The following FHOD3 variants were observed in gnomAD, a reference collection of about 807,000 sequenced individuals.
FHOD3 encodes the protein formin homology 2 domain containing 3, also known as FH1/FH2 domain-containing protein 3.
Under a neutral mutation model 173.0 loss-of-function variants are expected in FHOD3, and 90 were observed. The observed-to-expected ratio is 0.52, with a 90% CI of 0.44 to 0.62. FHOD3 has a LOEUF of 0.62. Among genes scored for constraint, FHOD3 ranks in the 20% least tolerant of loss-of-function variants. FHOD3 has a pLI of 0.00. For missense variants in FHOD3, 1,945 were observed against 2,034.7 expected (o/e 0.96, Z 0.85); for synonymous variants, 828 against 823.0 (o/e 1.01, Z -0.10).
chr18:36,357,568 C>T (rs562117306), intron 2 of FHOD3, among the ~76,000 whole-genome samples: 77 of 152,310 alleles, frequency 5.1e-4, no homozygotes, highest in African/African-American at 1.7e-3. Flanking sequence ...CCACTCTAGG[C>T]TGTGCATATG....
rs1040510541 is a variant in FHOD3, at chr18:36,364,580, G to T, written c.273-8100G>T. On this transcript the variant is annotated intron_variant, in intron 2 of 28. Coordinates refer to ENST00000590592, the MANE Select transcript of FHOD3 (RefSeq NM_001281740.3). The stretch of plus-strand genomic sequence containing the variant: ...TGAAGAGCAGTATTGGTGCTGGCTG[G>T]GTGTGCTGCTTTTAAAGAGCTTTCC... Among the ~76,000 whole-genome samples, 80 of 152,134 alleles carry T rather than the reference G, an allele frequency of 5.3e-4. 3 individuals are homozygous for T. The highest frequency in any genetic ancestry group is 1.5e-5 in the Non-Finnish European group (1 of 68,028).
chr18:36,517,907 T>A (rs2056078075), intron 5 of FHOD3, among the ~76,000 whole-genome samples: 2 of 152,192 alleles, frequency 1.3e-5, no homozygotes, highest in African/African-American at 4.8e-5. Flanking sequence ...GCCATTCATA[T>A]TAGGGGATCC....
At chr18:36,634,127 A>G (rs546329971) in intron 10 of FHOD3, among the ~76,000 whole-genome samples, 17 of 152,286 alleles carry the variant, frequency 1.1e-4, no homozygotes, top group African/African-American at 4.1e-4. Flanking sequence ...CTCATAACTG[A>G]TGCATACCAA....
At chr18:36,301,561 G>C (rs2091957317) in intron 1 of FHOD3, among the ~76,000 whole-genome samples, 1 of 152,132 alleles carries the variant, frequency 6.6e-6, no homozygotes, top group Non-Finnish European at 1.5e-5. Flanking sequence ...TATGTTCTAG[G>C]TTGGGCTAAG....
intron 17 of FHOD3, among the ~76,000 whole-genome samples, chr18:36,701,549 C>A (rs1221230638): frequency 6.6e-6 from 1 of 152,122 alleles, no homozygotes. Context: ...TTAATCCTGT[C>A]TAACATTCAT....
chr18:36,741,278 G>T (rs2041889378), intron 21 of FHOD3, among the ~76,000 whole-genome samples: 1 of 152,202 alleles, frequency 6.6e-6, no homozygotes, highest in Non-Finnish European at 1.5e-5. Flanking sequence ...GGAACAGAAG[G>T]AAATGGGCCT....
chr18:36,315,360 C>T (rs2144784165), intron 1 of FHOD3, among the ~76,000 whole-genome samples: 1 of 152,270 alleles, frequency 6.6e-6, no homozygotes, highest in African/African-American at 2.4e-5. Flanking sequence ...CAGCCTGCCT[C>T]CTTGGCCACC....
intron 3 of FHOD3, among the ~76,000 whole-genome samples, chr18:36,485,253 A>G (rs1312140332): frequency 1.3e-5 from 2 of 152,170 alleles, no homozygotes; most frequent in African/African-American, 4.8e-5. Flanking sequence ...GCCTGCTGGG[A>G]TCCATGGTGA....
chr18:36,485,619 T>G (rs1019823969), intron 3 of FHOD3, among the ~76,000 whole-genome samples: 2 of 152,208 alleles, frequency 1.3e-5, no homozygotes, highest in Non-Finnish European at 2.9e-5. Context: ...GTGTTCTTCC[T>G]TTTAGTGACA....
At chr18:36,509,426 C>CAAAAAAAAAAAAAA (rs34772691) in intron 4 of FHOD3, among the ~76,000 whole-genome samples, 1 of 54,852 alleles carries the variant, frequency 1.8e-5, no homozygotes, top group Non-Finnish European at 3.7e-5. Context: ...GACTCCATCT[C>CAAAAAAAAAAAAAA]AAAAAAAAAA....
intron 13 of FHOD3, 26 bp downstream of exon 13, chr18:36,653,442 T>A: frequency 7.0e-7 from 1 of 1,420,458 alleles, no homozygotes; most frequent in Non-Finnish European, 9.5e-7. Context: ...TTCTTTCCCT[T>A]TTCTGTAGCT....
chr18:36,718,993 C>T (rs1320117119), intron 19 of FHOD3, among the ~76,000 whole-genome samples: 1 of 152,160 alleles, frequency 6.6e-6, no homozygotes, highest in East Asian at 1.9e-4. Context: ...CAAAAATGGT[C>T]AACTAAGGAA....
intron 16 of FHOD3, among the ~76,000 whole-genome samples, chr18:36,692,159 G>C (rs185580698): frequency 2.0e-3 from 309 of 152,294 alleles, no homozygotes; most frequent in African/African-American, 7.2e-3. Context: ...CCCACCTTGA[G>C]GATGGGATGC....
chr18:36,366,561 A>G (rs1215497321), intron 2 of FHOD3, among the ~76,000 whole-genome samples: 3 of 152,202 alleles, frequency 2.0e-5, no homozygotes, highest in African/African-American at 7.2e-5. Context: ...GTCCAAGATC[A>G]CACAGCTGGC....
At chr18:36,752,024 A>G (rs1005983493) in intron 24 of FHOD3, among the ~76,000 whole-genome samples, 2 of 152,206 alleles carry the variant, frequency 1.3e-5, no homozygotes, top group Non-Finnish European at 2.9e-5. Flanking sequence ...ACTTACAATC[A>G]CAGTGGAAGG....
At chr18:36,734,344 C>T (rs1034316073) in intron 20 of FHOD3, among the ~76,000 whole-genome samples, 12 of 152,168 alleles carry the variant, frequency 7.9e-5, no homozygotes, top group Non-Finnish European at 8.8e-5. Flanking sequence ...TTAGCACATC[C>T]CTGGCCTCTA....
chr18:36,622,828 C>T lies in FHOD3; in HGVS notation c.958-2683C>T, dbSNP rs79569214. Reference sequence around the variant, plus strand: ...AGCCGAAAGCATTTGGAAATGCCACCGTAGCCTAGCATGTGCAAACAAAGC... The same window carrying T: ...AGCCGAAAGCATTTGGAAATGCCACTGTAGCCTAGCATGTGCAAACAAAGC... On this transcript the variant is annotated intron_variant, in intron 9 of 28. Coordinates refer to ENST00000590592, the MANE Select transcript of FHOD3 (RefSeq NM_001281740.3). Among the ~76,000 whole-genome samples, 1,481 of 152,310 alleles carry T rather than the reference C, an allele frequency of 9.7e-3. 51 individuals carry two copies. In the East Asian group the frequency reaches 0.13, roughly 13 times the overall value.
At chr18:36,308,545 C>T (rs1213441701) in intron 1 of FHOD3, among the ~76,000 whole-genome samples, 1 of 152,160 alleles carries the variant, frequency 6.6e-6, no homozygotes, top group African/African-American at 2.4e-5. Context: ...ATTGTCTCTA[C>T]CCATTTTGAA....
intron 14 of FHOD3, among the ~76,000 whole-genome samples, chr18:36,658,607 C>T (rs975096037): frequency 6.6e-6 from 1 of 152,036 alleles, no homozygotes; most frequent in Admixed American, 6.6e-5. Flanking sequence ...ATAATTAATC[C>T]AGGACCTACC....
Sources: gnomAD v4.1 joint callset for allele counts (sites outside exome capture counted in the v4.1 genomes callset) on GRCh38, gnomAD v4.1.1 for gene constraint, MANE v1.5 for transcripts, NCBI Gene and HGNC (gene_info 2026-07-23, HGNC 2026-07-21) for gene names.